The following BRPF3 variants were observed in gnomAD, a reference collection of about 807,000 sequenced individuals.
BRPF3 encodes bromodomain and PHD finger containing 3, also known as bromodomain and PHD finger-containing protein 3.
In BRPF3, 18 loss-of-function variants were observed where a neutral mutation model predicts 102.0. The ratio of observed to expected loss-of-function variants is 0.18; its 90% CI spans 0.12 to 0.26. The LOEUF is 0.26. Among genes scored for constraint, BRPF3 ranks in the 10% least tolerant of loss-of-function variants. The pLI, the probability that BRPF3 is intolerant of heterozygous loss-of-function variation, is 1.00. For missense variants in BRPF3, 1,147 were observed against 1,567.8 expected (o/e 0.73, Z 4.53); for synonymous variants, 570 against 614.2 (o/e 0.93, Z 1.06).
chr6:36,206,553 C>A (rs1404352299), intron 3 of BRPF3, among the ~76,000 whole-genome samples: 1 of 152,178 alleles, frequency 6.6e-6, no homozygotes, highest in Non-Finnish European at 1.5e-5. Context: ...TCTGTTCTGG[C>A]CAGCCTGTTT....
intron 9 of BRPF3, among the ~76,000 whole-genome samples, chr6:36,218,335 A>G (rs2127292845): frequency 6.6e-6 from 1 of 152,272 alleles, no homozygotes; most frequent in East Asian, 1.9e-4. Context: ...TGCTGCCCCT[A>G]CACACATTTA....
At chr6:36,206,089 G>C (rs1256293510) in intron 3 of BRPF3, among the ~76,000 whole-genome samples, 1 of 152,120 alleles carries the variant, frequency 6.6e-6, no homozygotes, top group Non-Finnish European at 1.5e-5. Context: ...ATGGGTTTTT[G>C]TCTTCATTCT....
At chr6:36,198,539 A>G (rs1767588102) in intron 1 of BRPF3, among the ~76,000 whole-genome samples, 1 of 152,196 alleles carries the variant, frequency 6.6e-6, no homozygotes, top group Non-Finnish European at 1.5e-5. Context: ...ACGTTGAGTG[A>G]CATCTTTCTG....
chr6:36,218,791 A>G (rs1329480512), intron 9 of BRPF3, among the ~76,000 whole-genome samples: 1 of 152,136 alleles, frequency 6.6e-6, no homozygotes, highest in African/African-American at 2.4e-5. Flanking sequence ...AAAGGCCCCA[A>G]AGCTCTTCTG....
At chr6:36,226,351 C>T (rs1188950456) in intron 11 of BRPF3, among the ~76,000 whole-genome samples, 1 of 152,174 alleles carries the variant, frequency 6.6e-6, no homozygotes, top group Non-Finnish European at 1.5e-5. Flanking sequence ...ATTTTTACCA[C>T]CTTGATTGTT....
rs200686186 is a variant in BRPF3 at position 36,209,859 on chromosome 6, C to G, written c.1810C>G (p.Leu604Val). The G allele has an allele frequency of 5.6e-6, 9 of 1,614,226 alleles. No homozygotes were observed. The highest frequency in any genetic ancestry group is 4.2e-6 in the Non-Finnish European group (5 of 1,180,044). Residue 604 changes from leucine (L) to valine (V), a missense_variant, in exon 5 of 13, where the codon CTG becomes GTG. Physicochemically the swap from Leu to Val is conservative, Grantham distance 32. Coordinates refer to ENST00000357641, the MANE Select transcript of BRPF3 (RefSeq NM_015695.3). ...FNVLLRTTLD[L>V]LQEKDPAHIF... ...TGTTCTGTTGAGGACAACACTGGACCTGCTGCAGGAGAAGGATCCTGCACA... is the reference window on the plus strand; with the variant it reads ...TGTTCTGTTGAGGACAACACTGGACGTGCTGCAGGAGAAGGATCCTGCACA...
At position 36,230,549 on chromosome 6, in the gene BRPF3, G is replaced by T; in HGVS notation, c.3558G>T (p.Ala1186=). The T allele has an allele frequency of 2.5e-6, 4 of 1,614,192 alleles. No individual in the cohort carries two copies. The highest frequency in any genetic ancestry group is 3.4e-6 in the Non-Finnish European group (4 of 1,180,022). Residue 1186 remains alanine (A), a synonymous_variant, in exon 13 of 13, where the codon GCG becomes GCT. Coordinates refer to ENST00000357641, the MANE Select transcript of BRPF3 (RefSeq NM_015695.3). The surrounding 1 kb of genome is among the most constrained non-coding windows in gnomAD (Gnocchi z 5.4). ...RKSVQVAYDR[A]MIHLSRVRGP... is the part of the protein sequence containing the mutation. ...CAGTGCAGGTGGCCTATGACCGTGC[G>T]ATGATCCACCTGAGCAGAGTCCGGG...
At position 36,200,226 on chromosome 6, in the gene BRPF3, T is replaced by A; in HGVS notation, c.-26-71T>A. 1 of 1,450,348 alleles carries A rather than the reference T, an allele frequency of 6.9e-7. No individual in the cohort carries two copies. The highest frequency in any genetic ancestry group is 9.1e-7 in the Non-Finnish European group (1 of 1,103,086). The allele number at this position is 1,450,348 out of a possible 1,614,324, so 89.8% of individuals were successfully genotyped here. The stretch of plus-strand genomic sequence containing the variant: ...AAAAGCCAGTCCTCTTGGTGGATGC[T>A]TGATCATATGGGAGGATGAATGGGT... On this transcript the variant is annotated intron_variant, in intron 1 of 12. Coordinates refer to ENST00000357641, the MANE Select transcript of BRPF3 (RefSeq NM_015695.3). The surrounding 1 kb of genome is among the most constrained non-coding windows in gnomAD (Gnocchi z 5.3).
chr6:36,203,882 A>G (rs1767806887), intron 2 of BRPF3, among the ~76,000 whole-genome samples: 1 of 152,136 alleles, frequency 6.6e-6, no homozygotes, highest in African/African-American at 2.4e-5. Flanking sequence ...TTCTGTTCCT[A>G]TGCTGCCTTT....
Position 36,230,809 on chromosome 6 carries a change from A to C in BRPF3, c.*200A>C. The C allele has an allele frequency of 1.6e-6, 1 of 613,586 alleles. No homozygotes were observed. Among genetic ancestry groups the C allele is most frequent in the Non-Finnish European group, 2.8e-6 (1 of 362,664 alleles). The allele number at this position is 613,586 out of a possible 1,614,324, so 38.0% of individuals were successfully genotyped here. A position where few individuals can be genotyped will look rare whatever the true frequency, so the allele number is the denominator to read the frequency against. On this transcript the variant is annotated 3_prime_UTR_variant, in exon 13 of 13. Transcript: ENST00000357641. The surrounding 1 kb of genome is among the most constrained non-coding windows in gnomAD (Gnocchi z 5.4). ...TCCTGGCAGGCCTGCTGTGTGCCAA[A>C]AACTCCCACCCAAGGTCCCTCAGGG...
At position 36,231,243 on chromosome 6, in the gene BRPF3, A is replaced by G. The variant is rs968737249; in HGVS notation, c.*634A>G. ...CTCATTCCCCTTGAGGCCAGCTGCT[A>G]TGCCAGGTGGTGTCTCTGCCAGGCT... On this transcript the variant is annotated 3_prime_UTR_variant, in exon 13 of 13. Transcript: ENST00000357641. The G allele has an allele frequency of 6.5e-6, 1 of 152,686 alleles. No individual in the cohort carries two copies. The highest frequency in any genetic ancestry group is 1.5e-5 in the Non-Finnish European group (1 of 68,166). 9.5% of individuals were successfully genotyped at this position (152,686 alleles called of 1,614,324 possible). A position where few individuals can be genotyped will look rare whatever the true frequency, so the allele number is the denominator to read the frequency against.
rs533681730 is a variant in BRPF3 at position 36,205,855 on chromosome 6, G to A, written c.1605+1041G>A. ...TCCTCATCCCTTTTTTCTGCCATCA[G>A]TCCCTCAGGGATGTTTCCATGTGGA... On this transcript the variant is annotated intron_variant, in intron 3 of 12. Coordinates refer to ENST00000357641, the MANE Select transcript of BRPF3 (RefSeq NM_015695.3). Among the ~76,000 whole-genome samples, 6 of 152,264 alleles carry A rather than the reference G, an allele frequency of 3.9e-5. No individual in the cohort carries two copies. The South Asian group carries it at 1.2e-3, about 32-fold the overall frequency.
At position 36,228,787 on chromosome 6, in the gene BRPF3, C is replaced by T. The variant is rs572323780; in HGVS notation, c.3280-115C>T. 712 of 1,220,396 alleles carry T rather than the reference C, an allele frequency of 5.8e-4. 4 individuals are homozygous for T. Among genetic ancestry groups the T allele is most frequent in the South Asian group, 5.7e-3 (423 of 74,504 alleles). The allele number at this position is 1,220,396 out of a possible 1,614,324, so 75.6% of individuals were successfully genotyped here. On this transcript the variant is annotated intron_variant, in intron 11 of 12. Transcript: ENST00000357641. ...TGTCTGGTCTGGACATCAAAGATAT[C>T]CCACTCAGGCCTGATACTCCCCTGG... is the stretch of plus-strand genomic sequence containing the variant.
chr6:36,210,426 G>T lies in BRPF3; in HGVS notation c.2077G>T (p.Ala693Ser), dbSNP rs750145294. 6.2e-7 allele frequency: 1 copy of T among 1,613,440 alleles called. No individual in the cohort carries two copies. Among genetic ancestry groups the T allele is most frequent in the South Asian group, 1.1e-5 (1 of 91,070 alleles). ...CCTGGGAGGGGCCATCCTACGGCAC[G>T]CCCGGCGGCAGGCAGAGAACATCGG... ...RDLGGAILRHARRQAENIGYD... is the reference protein window; with the variant it reads ...RDLGGAILRHSRRQAENIGYD... Residue 693 changes from alanine (A) to serine (S), a missense_variant, in exon 6 of 13, where the codon GCC (alanine) becomes TCC (serine). Around this residue, in one of 11 missense-constraint regions of BRPF3, gnomAD observed 109 missense variants for 175.1 expected, o/e 0.62. Transcript: ENST00000357641. This position sits in a 1 kb window ranked among gnomAD's most constrained non-coding sequence, Gnocchi z 4.7.
At chr6:36,226,664 C>CAGCAGCCT (rs1768751505) in intron 11 of BRPF3, among the ~76,000 whole-genome samples, 1 of 152,222 alleles carries the variant, frequency 6.6e-6, no homozygotes, top group Non-Finnish European at 1.5e-5. Flanking sequence ...CAACTTTTAA[C>CAGCAGCCT]AGCAGCCTTT....
rs771367448 is a variant in BRPF3 at position 36,204,747 on chromosome 6, C to T, written c.1538C>T (p.Ala513Val). ...LHNYWLLKRQ[A>V]RNGVPLIRRL... The stretch of plus-strand genomic sequence containing the variant: ...AATTATTGGCTGTTGAAGCGGCAGG[C>T]ACGGAATGGTGTCCCTCTTATCCGG... Residue 513 changes from alanine to valine, a missense_variant, in exon 3 of 13, where the codon GCA becomes GTA. Ala to Val is a moderately conservative substitution (Grantham distance 64). Transcript: ENST00000357641. The T allele has an allele frequency of 2.5e-6, 4 of 1,614,100 alleles. No homozygotes were observed. Among genetic ancestry groups the T allele is most frequent in the Admixed American group, 1.7e-5 (1 of 60,008 alleles).
chr6:36,211,646 T>G, intron 7 of BRPF3, 86 bp downstream of exon 7: 1 of 1,460,486 alleles, frequency 6.8e-7, no homozygotes, highest in Non-Finnish European at 9.2e-7. Context: ...GGGTATTCTT[T>G]CTGAGTTTAG....
rs1232553385 is a variant in BRPF3 at position 36,230,589 on chromosome 6, G to A, written c.3598G>A (p.Val1200Ile). 4.3e-6 allele frequency: 7 copies of A among 1,613,488 alleles called. No individual in the cohort carries two copies. The highest frequency in any genetic ancestry group is 2.5e-6 in the Non-Finnish European group (3 of 1,179,848). The change falls in exon 13 of 13, where the codon GTC becomes ATC. Residue 1200 changes from valine (V) to isoleucine (I), a missense_variant. Transcript: ENST00000357641. The surrounding 1 kb of genome is among the most constrained non-coding windows in gnomAD (Gnocchi z 5.4). Reference sequence around the variant, plus strand: ...CAGAGTCCGGGGGCCCCACTCCTTCGTCACTTCCAGCTACCTGTAAGGGCA... The same window carrying A: ...CAGAGTCCGGGGGCCCCACTCCTTCATCACTTCCAGCTACCTGTAAGGGCA... ...LSRVRGPHSFVTSSYL is the reference protein window; with the variant it reads ...LSRVRGPHSFITSSYL
At chr6:36,216,871 T>C (rs572287386) in intron 8 of BRPF3, among the ~76,000 whole-genome samples, 32 of 152,290 alleles carry the variant, frequency 2.1e-4, no homozygotes, top group African/African-American at 6.5e-4. Context: ...AGACCCTGTT[T>C]CTGCAAAGTT....
Sources: gnomAD v4.1 joint callset for allele counts (sites outside exome capture counted in the v4.1 genomes callset) on GRCh38, gnomAD v4.1.1 for gene constraint, gnomAD v4.1.1 regional missense constraint, Gnocchi (gnomAD v3.1) non-coding constraint, MANE v1.5 for transcripts, NCBI Gene and HGNC (gene_info 2026-07-23, HGNC 2026-07-21) for gene names.